Variants in CABCOCO1 observed in about 807,000 individuals in gnomAD.
CABCOCO1 encodes the protein ciliary associated calcium binding coiled-coil 1, also known as ciliary-associated calcium-binding coiled-coil protein 1.
CABCOCO1 carries 28 observed loss-of-function variants against 35.7 expected under a neutral mutation model. That is an observed-to-expected ratio of 0.78 (90% CI 0.58 to 1.07). CABCOCO1 has a LOEUF of 1.07. Among genes scored for constraint, CABCOCO1 ranks in the 50% least tolerant of loss-of-function variants. The pLI, the probability that CABCOCO1 is intolerant of heterozygous loss-of-function variation, is 0.00. For synonymous variants in CABCOCO1, 95 were observed against 100.1 expected (o/e 0.95, Z 0.30); for missense variants, 326 against 309.2 (o/e 1.05, Z -0.41).
At chr10:61,751,570 G>A (rs1219065522) in intron 5 of CABCOCO1, among the ~76,000 whole-genome samples, 1 of 152,030 alleles carries the variant, frequency 6.6e-6, no homozygotes, top group Non-Finnish European at 1.5e-5. Flanking sequence ...AAAATAAATG[G>A]ACAAGCTTCA....
chr10:61,761,465 C>A (rs562480298), intron 7 of CABCOCO1, among the ~76,000 whole-genome samples: 25 of 152,140 alleles, frequency 1.6e-4, no homozygotes, highest in African/African-American at 6.0e-4. Flanking sequence ...GCAGTTTACA[C>A]CAATAATTAC....
intron 1 of CABCOCO1, among the ~76,000 whole-genome samples, chr10:61,669,114 T>A (rs962418332): frequency 1.3e-5 from 2 of 151,518 alleles, no homozygotes; most frequent in African/African-American, 4.8e-5. Flanking sequence ...TTTGGTGAAA[T>A]CTGTTATCTT....
intron 4 of CABCOCO1, among the ~76,000 whole-genome samples, chr10:61,688,457 T>TC (rs1420865849): frequency 6.6e-6 from 1 of 152,166 alleles, no homozygotes; most frequent in African/African-American, 2.4e-5. Flanking sequence ...CCAAATTTCC[T>TC]CCCCCACATG....
rs1840012740 is a variant in CABCOCO1, at chr10:61,687,824, G to A, written c.479+1639G>A. On this transcript the variant is annotated intron_variant, in intron 4 of 7. Transcript: ENST00000648843. ...GTCAAAGTAAATCACAGCAATTGTT[G>A]ATGCTGTTAAGTCGTCATATTGTTA... Among the ~76,000 whole-genome samples the A allele has an allele frequency of 2.0e-5, 3 of 152,122 alleles. No individual in the cohort carries two copies. The South Asian group carries it at 6.2e-4, about 31-fold the overall frequency.
chr10:61,689,668 G>A (rs189185823), intron 4 of CABCOCO1, among the ~76,000 whole-genome samples: 1 of 152,200 alleles, frequency 6.6e-6, no homozygotes, highest in African/African-American at 2.4e-5. Flanking sequence ...TCCTTAAATA[G>A]CAAAAGGCAC....
chr10:61,735,455 T>A (rs1420243446), intron 5 of CABCOCO1, among the ~76,000 whole-genome samples: 2 of 152,082 alleles, frequency 1.3e-5, no homozygotes, highest in African/African-American at 4.8e-5. Context: ...GACGGAGAGC[T>A]ACAGTCTGGT....
At chr10:61,731,225 A>G (rs756383370) in intron 5 of CABCOCO1, among the ~76,000 whole-genome samples, 4 of 151,904 alleles carry the variant, frequency 2.6e-5, no homozygotes, top group East Asian at 1.9e-4. Flanking sequence ...TGGGAGCACT[A>G]TGTATTATTT....
At chr10:61,738,069 CAA>C (rs1841465509) in intron 5 of CABCOCO1, among the ~76,000 whole-genome samples, 1 of 134,564 alleles carries the variant, frequency 7.4e-6, no homozygotes, top group Non-Finnish European at 1.6e-5. Flanking sequence ...AAAAAAAAAA[CAA>C]AGACACCTCC....
intron 2 of CABCOCO1, among the ~76,000 whole-genome samples, chr10:61,680,680 T>A (rs1839743683): frequency 1.1e-5 from 1 of 91,990 alleles, no homozygotes; most frequent in Non-Finnish European, 2.1e-5. Context: ...ACATATATGT[T>A]ATACATGTAT....
chr10:61,751,309 C>G (rs973191751), intron 5 of CABCOCO1, among the ~76,000 whole-genome samples: 2 of 145,778 alleles, frequency 1.4e-5, no homozygotes, highest in Non-Finnish European at 3.0e-5. Context: ...TGGTCTAGTA[C>G]AGCTGGAGCT....
intron 5 of CABCOCO1, among the ~76,000 whole-genome samples, chr10:61,729,896 A>G (rs1484583893): frequency 6.6e-6 from 1 of 152,148 alleles, no homozygotes; most frequent in Non-Finnish European, 1.5e-5. Context: ...CACTTATATC[A>G]GTTATCTAAA....
At chr10:61,752,907 A>G (rs1841820504) in intron 5 of CABCOCO1, among the ~76,000 whole-genome samples, 2 of 152,194 alleles carry the variant, frequency 1.3e-5, no homozygotes, top group African/African-American at 2.4e-5. Context: ...AGTAAATTAC[A>G]TGATAGCTTT....
intron 5 of CABCOCO1, among the ~76,000 whole-genome samples, chr10:61,755,812 C>T (rs886795955): frequency 2.0e-5 from 3 of 151,708 alleles, no homozygotes; most frequent in Admixed American, 6.6e-5. Flanking sequence ...AATGTTAACA[C>T]GGAAAATAGA....
intron 1 of CABCOCO1, among the ~76,000 whole-genome samples, chr10:61,671,055 C>T (rs747896301): frequency 2.0e-5 from 3 of 152,172 alleles, no homozygotes; most frequent in African/African-American, 7.2e-5. Context: ...GGCTGGGCAC[C>T]GTGGCCCACG....
chr10:61,740,405 T>G (rs553668811), intron 5 of CABCOCO1, among the ~76,000 whole-genome samples: 5 of 152,266 alleles, frequency 3.3e-5, no homozygotes, highest in African/African-American at 1.2e-4. Flanking sequence ...AGGTTTGAAA[T>G]GTATGGAGCT....
intron 5 of CABCOCO1, among the ~76,000 whole-genome samples, chr10:61,730,953 T>C (rs1417279803): frequency 1.3e-5 from 2 of 151,796 alleles, no homozygotes; most frequent in Non-Finnish European, 2.9e-5. Context: ...TGAGGAACTC[T>C]TGTAAATCGA....
chr10:61,691,581 T>C (rs1037011940), intron 5 of CABCOCO1, among the ~76,000 whole-genome samples: 2 of 152,114 alleles, frequency 1.3e-5, no homozygotes, highest in Non-Finnish European at 2.9e-5. Context: ...GCCATGGTGG[T>C]TTGCTGCACC....
In CABCOCO1 at chr10:61,693,899, T is replaced by C. The variant is rs1414759275; in HGVS notation, c.552+3278T>C. Among the ~76,000 whole-genome samples, 4 of 151,854 alleles carry C rather than the reference T, an allele frequency of 2.6e-5. No homozygotes were observed. In the East Asian group the frequency reaches 5.8e-4, roughly 22 times the overall value. On this transcript the variant is annotated intron_variant, in intron 5 of 7. Transcript: ENST00000648843. Reference sequence around the variant, plus strand: ...AAAAAATAACAGGTGAACCTATAGATTAAAAAATGACTGAATCAAATTCAA... The same window carrying C: ...AAAAAATAACAGGTGAACCTATAGACTAAAAAATGACTGAATCAAATTCAA...
intron 2 of CABCOCO1, among the ~76,000 whole-genome samples, chr10:61,677,268 A>G (rs1411852886): frequency 6.6e-6 from 1 of 152,068 alleles, no homozygotes; most frequent in Non-Finnish European, 1.5e-5. Flanking sequence ...CAGCAGTCCC[A>G]ATTTTAGGAA....
Sources: allele counts gnomAD v4.1 joint callset (sites outside exome capture counted in the v4.1 genomes callset), GRCh38; gene constraint gnomAD v4.1.1; transcripts MANE v1.5; gene names NCBI Gene and HGNC (gene_info 2026-07-23, HGNC 2026-07-21).